The following STK32B variants were observed in gnomAD, a reference collection of about 807,000 sequenced individuals.
STK32B encodes serine/threonine-protein kinase 32B.
In STK32B, 43 loss-of-function variants were observed where a neutral mutation model predicts 52.6. The ratio of observed to expected loss-of-function variants is 0.82; its 90% CI spans 0.64 to 1.05. The LOEUF (loss-of-function observed/expected upper bound fraction) is 1.05, where lower values mean the gene tolerates loss of function less well. Ranked by LOEUF, STK32B falls within the 50% of genes least tolerant of loss-of-function variation. The pLI, the probability that STK32B is intolerant of heterozygous loss-of-function variation, is 0.00. For missense variants in STK32B, 621 were observed against 534.6 expected (o/e 1.16, Z -1.59); for synonymous variants, 238 against 204.3 (o/e 1.17, Z -1.41).
At chr4:5,190,796 T>G (rs913420846) in intron 3 of STK32B, among the ~76,000 whole-genome samples, 5 of 151,892 alleles carry the variant, frequency 3.3e-5, no homozygotes, top group Non-Finnish European at 7.4e-5. Context: ...ACCTCTTGGG[T>G]TTTGTGACAT....
intron 3 of STK32B, among the ~76,000 whole-genome samples, chr4:5,254,546 A>T (rs1035195059): frequency 1.6e-4 from 25 of 152,188 alleles, no homozygotes; most frequent in African/African-American, 5.8e-4. Context: ...GCATGGTTTT[A>T]TGTAAGTTTT....
At chr4:5,214,628 A>T (rs1723084372) in intron 3 of STK32B, among the ~76,000 whole-genome samples, 1 of 152,198 alleles carries the variant, frequency 6.6e-6, no homozygotes. Flanking sequence ...TAATTATTAC[A>T]ATTTGATAAT....
Position 5,213,045 on chromosome 4 carries a change from T to C in STK32B, c.260+44595T>C, listed in dbSNP as rs544960984. On this transcript the variant is annotated intron_variant, in intron 3 of 11. Coordinates refer to ENST00000282908, the MANE Select transcript of STK32B (RefSeq NM_018401.3). ...TTCACTTAGTTGTATTTAAATAATATATACGTACATATAGATAATCTCGAG... is the reference window on the plus strand; with the variant it reads ...TTCACTTAGTTGTATTTAAATAATACATACGTACATATAGATAATCTCGAG... Among the ~76,000 whole-genome samples, 5 of 152,310 alleles carry C rather than the reference T, an allele frequency of 3.3e-5. No individual in the cohort carries two copies. The South Asian group carries it at 8.3e-4, about 25-fold the overall frequency.
chr4:5,193,954 C>G (rs561950201), intron 3 of STK32B, among the ~76,000 whole-genome samples: 1 of 152,140 alleles, frequency 6.6e-6, no homozygotes, highest in African/African-American at 2.4e-5. Context: ...GCAGGGCGTG[C>G]GTTCTCATGC....
intron 11 of STK32B, among the ~76,000 whole-genome samples, chr4:5,475,280 C>T (rs1489228676): frequency 6.6e-6 from 1 of 151,520 alleles, no homozygotes; most frequent in Non-Finnish European, 1.5e-5. Context: ...GAAACATTAG[C>T]TGGGTGTGGT....
At chr4:5,385,286 C>G (rs1160881111) in intron 4 of STK32B, among the ~76,000 whole-genome samples, 1 of 151,934 alleles carries the variant, frequency 6.6e-6, no homozygotes, top group Non-Finnish European at 1.5e-5. Flanking sequence ...AGAAGAAGGT[C>G]TGGGTGTCAG....
At chr4:5,064,303 A>G (rs1271950980) in intron 1 of STK32B, among the ~76,000 whole-genome samples, 1 of 144,876 alleles carries the variant, frequency 6.9e-6, no homozygotes, top group Non-Finnish European at 1.5e-5. Flanking sequence ...ATGTAAAGAT[A>G]TATTTATTAT....
At chr4:5,279,226 T>A (rs1055055719) in intron 3 of STK32B, among the ~76,000 whole-genome samples, 17 of 152,154 alleles carry the variant, frequency 1.1e-4, no homozygotes, top group African/African-American at 4.1e-4. Context: ...CAAAAACAAG[T>A]TAGTTACTTC....
chr4:5,099,173 C>T (rs541922826), intron 1 of STK32B, among the ~76,000 whole-genome samples: 12 of 152,264 alleles, frequency 7.9e-5, no homozygotes, highest in African/African-American at 2.2e-4. Flanking sequence ...TATTTGAGTT[C>T]TTCTCACACC....
intron 3 of STK32B, among the ~76,000 whole-genome samples, chr4:5,191,884 T>G (rs1028048029): frequency 6.6e-6 from 1 of 152,228 alleles, no homozygotes; most frequent in Non-Finnish European, 1.5e-5. Flanking sequence ...TATTAACTAC[T>G]GTGCTCCCAG....
At chr4:5,044,573 C>G in the STK32B span, among the ~76,000 whole-genome samples, 2 of 152,168 alleles carry the variant, frequency 1.3e-5, no homozygotes, top group African/African-American at 4.8e-5. Context: ...CTTCAACCAA[C>G]CACCAGGAAA....
At chr4:5,417,959 G>C (rs935852918) in intron 6 of STK32B, among the ~76,000 whole-genome samples, 1 of 152,158 alleles carries the variant, frequency 6.6e-6, no homozygotes, top group Non-Finnish European at 1.5e-5. Flanking sequence ...AAAGTGGCTA[G>C]AGTGAGCTTC....
At chr4:5,353,000 T>G (rs77120712) in intron 4 of STK32B, among the ~76,000 whole-genome samples, 25,116 of 152,018 alleles carry the variant, frequency 0.17, 3,099 homozygotes, top group African/African-American at 0.35. Flanking sequence ...AATAACTGAC[T>G]TCAGAATATC....
intron 3 of STK32B, among the ~76,000 whole-genome samples, chr4:5,303,046 A>G (rs940001934): frequency 1.3e-5 from 2 of 151,604 alleles, no homozygotes; most frequent in Admixed American, 6.6e-5. Flanking sequence ...ATATATATGT[A>G]TGTATGTATA....
intron 3 of STK32B, among the ~76,000 whole-genome samples, chr4:5,274,809 G>C (rs1006623003): frequency 6.6e-6 from 1 of 151,980 alleles, no homozygotes; most frequent in African/African-American, 2.4e-5. Context: ...CACCACTGCT[G>C]TTTGCCGCGG....
chr4:5,113,995 C>T (rs1447901603), intron 1 of STK32B, among the ~76,000 whole-genome samples: 1 of 152,090 alleles, frequency 6.6e-6, no homozygotes, highest in Non-Finnish European at 1.5e-5. Context: ...GAAAGACCTG[C>T]TCCCATGATT....
At chr4:5,237,794 TGCCAG>T (rs1724732250) in intron 3 of STK32B, among the ~76,000 whole-genome samples, 1 of 152,204 alleles carries the variant, frequency 6.6e-6, no homozygotes, top group South Asian at 2.1e-4. Flanking sequence ...ATGTCTCTAC[TGCCAG>T]GTGTCATGTG....
chr4:5,447,673 G>T (rs531317062), intron 7 of STK32B, among the ~76,000 whole-genome samples: 2 of 152,168 alleles, frequency 1.3e-5, no homozygotes, highest in Non-Finnish European at 2.9e-5. Context: ...TCATTTTGAG[G>T]TGTTATTTCT....
chr4:5,208,066 G>A (rs904780015), intron 3 of STK32B, among the ~76,000 whole-genome samples: 1 of 152,106 alleles, frequency 6.6e-6, no homozygotes, highest in African/African-American at 2.4e-5. Flanking sequence ...AAAGAACAGA[G>A]GTCTCTTTCT....
Sources: allele counts gnomAD v4.1 joint callset (sites outside exome capture counted in the v4.1 genomes callset), GRCh38; gene constraint gnomAD v4.1.1; transcripts MANE v1.5; gene names NCBI Gene and HGNC (gene_info 2026-07-23, HGNC 2026-07-21).